ARAP1: variants seen among roughly 807,000 people sequenced by gnomAD.
The protein encoded by ARAP1 is arf-GAP with Rho-GAP domain, ANK repeat and PH domain-containing protein 1.
In ARAP1, 76 loss-of-function variants were observed where a neutral mutation model predicts 172.2. The observed-to-expected ratio is 0.44, with a 90% confidence interval of 0.37 to 0.53. The LOEUF (loss-of-function observed/expected upper bound fraction) is 0.53, where lower values mean the gene tolerates loss of function less well. Ranked by LOEUF, ARAP1 falls within the 20% of genes least tolerant of loss-of-function variation. The pLI, the probability that ARAP1 is intolerant of heterozygous loss-of-function variation, is 0.00. For synonymous variants in ARAP1, 804 were observed against 803.3 expected, an observed-to-expected ratio of 1.00 and a Z score of -0.01; for missense variants, 1,686 against 1,977.5, an observed-to-expected ratio of 0.85 and a Z score of 2.80.
chr11:72,706,868 T>G (rs1012665473), intron 12 of ARAP1, among the ~76,000 whole-genome samples: 110 of 152,200 alleles, frequency 7.2e-4, no homozygotes, highest in African/African-American at 2.5e-3. Context: ...TCTTCTGACA[T>G]GAGAGGAACA....
At chr11:72,742,646 G>T (rs1166509266) in intron 1 of ARAP1, among the ~76,000 whole-genome samples, 1 of 152,198 alleles carries the variant, frequency 6.6e-6, no homozygotes, top group Non-Finnish European at 1.5e-5. Context: ...GGACAGCAGG[G>T]TGCTCTGGTG....
intron 2 of ARAP1, among the ~76,000 whole-genome samples, chr11:72,729,041 C>T (rs1364916823): frequency 6.6e-6 from 1 of 152,090 alleles, no homozygotes; most frequent in East Asian, 1.9e-4. Context: ...ATTATAAAGC[C>T]ACAATGATTA....
chr11:72,710,907 C>T lies in ARAP1; in HGVS notation c.1213+114G>A, dbSNP rs538091814. On this transcript the variant is annotated intron_variant, in intron 9 of 34. Transcript: ENST00000393609. The surrounding 1 kb of genome is among the most constrained non-coding windows in gnomAD (Gnocchi z 4.3). Reference sequence around the variant, plus strand: ...ACCTCACAAAGGCAGCATGCCTCCCCGGATGTGATGTGAGAGGGCAGATGC... The same window carrying T: ...ACCTCACAAAGGCAGCATGCCTCCCTGGATGTGATGTGAGAGGGCAGATGC... 1.3e-5 allele frequency: 20 copies of T among 1,558,324 alleles called. No individual in the cohort carries two copies. Among genetic ancestry groups the T allele is most frequent in the African/African-American group, 8.1e-5 (6 of 74,040 alleles).
At chr11:72,752,090 G>A (rs985715394) in intron 1 of ARAP1, among the ~76,000 whole-genome samples, 1 of 152,218 alleles carries the variant, frequency 6.6e-6, no homozygotes, top group African/African-American at 2.4e-5. Context: ...ACGCCAAAGG[G>A]CTACGGGCTG....
intron 3 of ARAP1, among the ~76,000 whole-genome samples, chr11:72,721,599 G>A (rs965302603): frequency 5.3e-5 from 8 of 152,166 alleles, no homozygotes; most frequent in African/African-American, 1.4e-4. Flanking sequence ...AGAGGCGTAT[G>A]GGGAGGTGGA....
rs1367926056 is a variant in ARAP1, at chr11:72,693,183, G to A, written c.3954+142C>T. 7.8e-7 allele frequency: 1 copy of A among 1,285,140 alleles called. No homozygotes were observed. The highest frequency in any genetic ancestry group is 2.5e-5 in the Admixed American group (1 of 40,120). 79.6% of individuals were successfully genotyped at this position (1,285,140 alleles called of 1,614,324 possible). On this transcript the variant is annotated intron_variant, in intron 29 of 34. Coordinates refer to ENST00000393609, the MANE Select transcript of ARAP1 (RefSeq NM_001040118.3). This position sits in a 1 kb window ranked among gnomAD's most constrained non-coding sequence, Gnocchi z 4.6. ...AGGGCCACAGCAGGAGGGGTCTTGAGAGTCTACAGTTCTCCCCCACTGCTG... is the reference window on the plus strand; with the variant it reads ...AGGGCCACAGCAGGAGGGGTCTTGAAAGTCTACAGTTCTCCCCCACTGCTG...
chr11:72,703,410 G>A (rs867983742), intron 14 of ARAP1: 1,146 of 63,722 alleles, frequency 0.018, 73 homozygotes, highest in African/African-American at 0.065. Flanking sequence ...GGAGGAGCCG[G>A]GGGGGGGGTG....
In ARAP1 at chr11:72,710,463, G is replaced by C; in HGVS notation, c.1338C>G (p.Ser446Arg). Residue 446 changes from serine to arginine, a missense_variant, in exon 10 of 35, where the codon AGC (serine) becomes AGG (arginine). Physicochemically the swap from Ser to Arg is moderately radical, Grantham distance 110 (BLOSUM62 -1). Coordinates refer to ENST00000393609, the MANE Select transcript of ARAP1 (RefSeq NM_001040118.3). This position sits in a 1 kb window ranked among gnomAD's most constrained non-coding sequence, Gnocchi z 4.3. The stretch of plus-strand genomic sequence containing the variant: ...TATTCTTGAAGCCACGAAGCTCCAG[G>C]CTGCCAGCGCGGTCAGGCTGCTCTG... Reference protein sequence around the residue: ...PGSEQPDRAGSLELRGFKNKL... With the variant: ...PGSEQPDRAGRLELRGFKNKL... 6.2e-7 allele frequency: 1 copy of C among 1,614,100 alleles called. No homozygotes were observed. The highest frequency in any genetic ancestry group is 1.1e-5 in the South Asian group (1 of 91,084).
At chr11:72,721,211 A>G (rs956824137) in intron 3 of ARAP1, among the ~76,000 whole-genome samples, 31 of 152,320 alleles carry the variant, frequency 2.0e-4, no homozygotes, top group Admixed American at 5.2e-4. Context: ...TATGTCCCCA[A>G]TAAGCCAAGC....
In ARAP1 at chr11:72,704,073, G is replaced by T. The variant is rs939501268; in HGVS notation, c.1992+79C>A. The T allele has an allele frequency of 5.1e-6, 8 of 1,559,632 alleles. No homozygotes were observed. In the African/African-American group the frequency reaches 1.1e-4, roughly 21 times the overall value. On this transcript the variant is annotated intron_variant, in intron 14 of 34. Coordinates refer to ENST00000393609, the MANE Select transcript of ARAP1 (RefSeq NM_001040118.3). ...ATCTCCCTGAGCTGGTAGATGAGAT[G>T]GGTTAAGACAGCATGAGGAACAGGG...
chr11:72,709,827 G>A, intron 11 of ARAP1, 43 bp downstream of exon 11: 1 of 1,595,330 alleles, frequency 6.3e-7, no homozygotes, highest in Non-Finnish European at 8.6e-7. Context: ...AAAACATTAG[G>A]AAGGAGTGAG....
chr11:72,708,598 T>C (rs4944699), intron 11 of ARAP1: 138,469 of 153,468 alleles, frequency 0.9, 63,024 homozygotes, highest in African/African-American at 0.98. Context: ...AATATAAGGC[T>C]CCCGCAGAAG....
In ARAP1 at chr11:72,712,994, C is replaced by A. The variant is rs193159500; in HGVS notation, c.747+182G>T. 2.1e-4 allele frequency: 145 copies of A among 675,446 alleles called. No individual in the cohort carries two copies. The African/African-American group carries it at 2.4e-3, about 11-fold the overall frequency. The allele number at this position is 675,446 out of a possible 1,614,324, so 41.8% of individuals were successfully genotyped here. A position where few individuals can be genotyped will look rare whatever the true frequency, so the allele number is the denominator to read the frequency against. ...GCCACACCAGAGCCCCGACCCCTGG[C>A]CCAGAGCGCTGTGGCTACACGTGAC... On this transcript the variant is annotated intron_variant, in intron 5 of 34. Transcript: ENST00000393609.
In ARAP1 at chr11:72,703,079, C is replaced by A; in HGVS notation, c.1993G>T (p.Ala665Ser). ...GTGGTGGTGACTGCAGCACACAGGG[C>A]CTAGGAAGAGGCAGGGGAGGGTCAG... The part of the protein sequence containing the change: ...LFGNQEELDK[A>S]LCAAVTTTDL... The change falls in exon 15 of 35, where the codon GCC becomes TCC. Residue 665 changes from alanine to serine, a missense_variant and splice_region_variant. Transcript: ENST00000393609. 3 of 1,560,956 alleles carry A rather than the reference C, an allele frequency of 1.9e-6. No homozygotes were observed. The highest frequency in any genetic ancestry group is 1.2e-5 in the South Asian group (1 of 85,936).
chr11:72,687,927 C>G (rs137899591), intron 31 of ARAP1, among the ~76,000 whole-genome samples, 189 bp from the exon 32 acceptor site: 113 of 152,272 alleles, frequency 7.4e-4, no homozygotes, highest in Middle Eastern at 3.4e-3. Context: ...CTTGACACCC[C>G]TAAGCCCCAG....
chr11:72,721,858 G>A (rs1857524350), intron 3 of ARAP1: 2 of 985,654 alleles, frequency 2.0e-6, no homozygotes, highest in Non-Finnish European at 1.2e-6. Context: ...ACCCTCAGAC[G>A]CCTGCTGGGT....
Position 72,697,934 on chromosome 11 carries a change from T to C in ARAP1, c.2714A>G (p.Gln905Arg), listed in dbSNP as rs1038267915. 3 of 1,607,090 alleles carry C rather than the reference T, an allele frequency of 1.9e-6. No individual in the cohort carries two copies. The highest frequency in any genetic ancestry group is 2.7e-5 in the African/African-American group (2 of 74,684). ...FPEGPCEEPLQLRKLQELSIQ... is the reference protein window; with the variant it reads ...FPEGPCEEPLRLRKLQELSIQ... The stretch of plus-strand genomic sequence containing the variant: ...ACAAAGCTCCTGCAGTTTCCGTAGT[T>C]GCAGCGGCTCTTCGCAGGGCCCCTC... The change falls in exon 19 of 35, where the codon CAA (glutamine) becomes CGA (arginine). Residue 905 changes from glutamine to arginine, a missense_variant. Gln to Arg is a conservative substitution (Grantham distance 43, BLOSUM62 1). Around this residue, in one of 5 missense-constraint regions of ARAP1, gnomAD observed 274 missense variants for 262.7 expected, o/e 1.04. Coordinates refer to ENST00000393609, the MANE Select transcript of ARAP1 (RefSeq NM_001040118.3).
intron 1 of ARAP1, among the ~76,000 whole-genome samples, chr11:72,750,553 A>G (rs1858502529): frequency 6.6e-6 from 1 of 151,694 alleles, no homozygotes; most frequent in Non-Finnish European, 1.5e-5. Flanking sequence ...CAAACTCTCA[A>G]TGCTGGAGAC....
At chr11:72,717,647 A>T (rs1857339079) in intron 3 of ARAP1, among the ~76,000 whole-genome samples, 1 of 152,190 alleles carries the variant, frequency 6.6e-6, no homozygotes, top group African/African-American at 2.4e-5. Context: ...AGCACTCAGC[A>T]GGGACTTACA....
Sources: allele counts gnomAD v4.1 joint callset (sites outside exome capture counted in the v4.1 genomes callset), GRCh38; gene constraint gnomAD v4.1.1; regional missense constraint gnomAD v4.1.1; non-coding constraint Gnocchi (gnomAD v3.1); transcripts MANE v1.5; gene names NCBI Gene and HGNC (gene_info 2026-07-23, HGNC 2026-07-21).